Variants in MAP3K20 observed in about 807,000 individuals in gnomAD.
The protein encoded by MAP3K20 is mitogen-activated protein kinase kinase kinase 20.
Under a neutral mutation model 85.7 loss-of-function variants are expected in MAP3K20, and 40 were observed. The observed-to-expected ratio is 0.47, with a 90% CI of 0.36 to 0.61. The LOEUF is 0.61. MAP3K20 is among the 20% of genes least tolerant of loss of function. The pLI is 0.00. For synonymous variants in MAP3K20, 325 were observed against 327.7 expected (o/e 0.99, Z 0.09); for missense variants, 817 against 961.7 (o/e 0.85, Z 1.99).
intron 16 of MAP3K20, among the ~76,000 whole-genome samples, chr2:173,246,868 T>C (rs951762850): frequency 6.6e-6 from 1 of 152,210 alleles, no homozygotes; most frequent in Non-Finnish European, 1.5e-5. Flanking sequence ...GCCGGCTACC[T>C]ATGAGTGGGT....
chr2:173,224,822 T>C (rs907529708), intron 11 of MAP3K20: 7 of 984,696 alleles, frequency 7.1e-6, no homozygotes, highest in Admixed American at 6.1e-5. Context: ...CTTTAGACTC[T>C]ATTAATTTTA....
intron 16 of MAP3K20, among the ~76,000 whole-genome samples, chr2:173,249,762 A>T (rs1685001486): frequency 6.6e-6 from 1 of 152,192 alleles, no homozygotes; most frequent in Non-Finnish European, 1.5e-5. Flanking sequence ...CATCATGAAG[A>T]CCTAGTACTT....
intron 16 of MAP3K20, among the ~76,000 whole-genome samples, chr2:173,243,680 C>T (rs980549874): frequency 6.6e-6 from 1 of 152,176 alleles, no homozygotes; most frequent in East Asian, 1.9e-4. Flanking sequence ...TGCAGTGGCG[C>T]TATCTCGGCT....
intron 2 of MAP3K20, among the ~76,000 whole-genome samples, chr2:173,104,086 C>A (rs1401874530): frequency 6.6e-6 from 1 of 152,102 alleles, no homozygotes; most frequent in Admixed American, 6.6e-5. Context: ...AAGACCTATA[C>A]CTGCCAGGGC....
At chr2:173,079,009 C>T (rs1336720008) in intron 1 of MAP3K20, among the ~76,000 whole-genome samples, 1 of 152,130 alleles carries the variant, frequency 6.6e-6, no homozygotes, top group African/African-American at 2.4e-5. Flanking sequence ...AGGATAAGTA[C>T]AGTCATGTGT....
At chr2:173,135,324 G>A (rs1471261722) in intron 2 of MAP3K20, among the ~76,000 whole-genome samples, 1 of 152,030 alleles carries the variant, frequency 6.6e-6, no homozygotes. Flanking sequence ...TGTAACAGTC[G>A]GAAGAGTAAT....
chr2:173,252,499 A>G (rs936648608), intron 16 of MAP3K20, among the ~76,000 whole-genome samples: 7 of 152,140 alleles, frequency 4.6e-5, no homozygotes, highest in Non-Finnish European at 1.0e-4. Flanking sequence ...GAATTGTTGT[A>G]TTTTTCATTC....
chr2:173,204,861 T>G (rs1489765805), intron 9 of MAP3K20, among the ~76,000 whole-genome samples: 1 of 152,126 alleles, frequency 6.6e-6, no homozygotes, highest in African/African-American at 2.4e-5. Context: ...CCCAGCACTT[T>G]GGGAGGCAGA....
intron 16 of MAP3K20, among the ~76,000 whole-genome samples, chr2:173,239,705 C>T (rs958316807): frequency 9.9e-5 from 15 of 152,168 alleles, no homozygotes; most frequent in Admixed American, 5.2e-4. Flanking sequence ...CAGCTGAAGA[C>T]GCCCATGTGA....
chr2:173,170,416 A>G (rs1689967245), intron 3 of MAP3K20, among the ~76,000 whole-genome samples: 1 of 152,236 alleles, frequency 6.6e-6, no homozygotes, highest in African/African-American at 2.4e-5. Context: ...ACTGACAGAA[A>G]TACGCTTTCT....
At chr2:173,146,847 C>G (rs1689153013) in intron 2 of MAP3K20, among the ~76,000 whole-genome samples, 2 of 152,212 alleles carry the variant, frequency 1.3e-5, no homozygotes, top group African/African-American at 4.8e-5. Context: ...TCTAACTTCT[C>G]TACACCCTTG....
At chr2:173,086,357 C>A (rs990910700) in intron 1 of MAP3K20, among the ~76,000 whole-genome samples, 3 of 151,996 alleles carry the variant, frequency 2.0e-5, no homozygotes, top group African/African-American at 7.3e-5. Flanking sequence ...GGAGAGAAAA[C>A]TCAAGGGGAA....
chr2:173,134,401 T>TACATATAC (rs1559245918), intron 2 of MAP3K20, among the ~76,000 whole-genome samples: 23 of 9,130 alleles, frequency 2.5e-3, no homozygotes, highest in African/African-American at 7.4e-3. Context: ...TACATATATA[T>TACATATAC]ATATATATAT....
At chr2:173,096,768 A>C (rs537252610) in intron 2 of MAP3K20, among the ~76,000 whole-genome samples, 2 of 152,340 alleles carry the variant, frequency 1.3e-5, no homozygotes, top group East Asian at 3.9e-4. Flanking sequence ...GCAAGACCTC[A>C]GTTTAGCTTG....
Position 173,145,256 on chromosome 2 carries a change from G to GA in MAP3K20, c.160-24540dup, listed in dbSNP as rs530580690. Among the ~76,000 whole-genome samples, 107 of 150,324 alleles carry GA rather than the reference G, an allele frequency of 7.1e-4. 1 individual carries two copies. Among genetic ancestry groups the GA allele is most frequent in the Admixed American group, 1.1e-3 (16 of 15,084 alleles). ...AGCAAGACTCCGTCTCAAAAAAAAA[G>GA]AAAAAAAAATTGGTAACTAGAGCTT... On this transcript the variant is annotated intron_variant, in intron 2 of 19. Coordinates refer to ENST00000375213, the MANE Select transcript of MAP3K20 (RefSeq NM_016653.3).
intron 1 of MAP3K20, among the ~76,000 whole-genome samples, chr2:173,085,784 A>ATTTTTTTTTTTTTTTTTTTTT (rs61431056): frequency 1.4e-5 from 1 of 73,738 alleles, no homozygotes; most frequent in African/African-American, 5.4e-5. Flanking sequence ...TGTAAAAGCA[A>ATTTTTTTTTTTTTTTTTTTTT]TTTTTTTTTT....
chr2:173,266,418 TCTC>T lies in MAP3K20; in HGVS notation c.2074_2076del (p.Pro692del), dbSNP rs1183845640. The stretch of plus-strand genomic sequence containing the variant: ...ACGTGGTAGTATATCACTCAATTCT[TCTC>T]CTAGAGGAAGATACAGTGGAAAGAG... On this transcript the variant is annotated inframe_deletion, in exon 20 of 20. Transcript: ENST00000375213. 1.9e-5 allele frequency: 30 copies of T among 1,614,000 alleles called. No individual in the cohort carries two copies. The highest frequency in any genetic ancestry group is 2.5e-5 in the Non-Finnish European group (29 of 1,180,022).
intron 10 of MAP3K20, among the ~76,000 whole-genome samples, chr2:173,216,520 T>TA (rs1553585564): frequency 0.026 from 3,885 of 151,016 alleles, 74 homozygotes; most frequent in Admixed American, 0.044. Context: ...GTTTTTTTTT[T>TA]AAAAAACAAG....
At chr2:173,224,719 G>A (rs2106324750) in intron 11 of MAP3K20, 2 of 985,392 alleles carry the variant, frequency 2.0e-6, no homozygotes, top group East Asian at 2.3e-4. Flanking sequence ...TGTCCTTCTA[G>A]TGGTTTGAAA....
Sources: allele counts gnomAD v4.1 joint callset (sites outside exome capture counted in the v4.1 genomes callset), GRCh38; gene constraint gnomAD v4.1.1; transcripts MANE v1.5; gene names NCBI Gene and HGNC (gene_info 2026-07-23, HGNC 2026-07-21).